Variants in SDK1 observed in about 807,000 individuals in gnomAD.
SDK1 encodes protein sidekick-1.
A neutral mutation model predicts 245.5 loss-of-function variants in SDK1; 157 were observed. The observed-to-expected ratio is 0.64, with a 90% CI of 0.56 to 0.73. The LOEUF (loss-of-function observed/expected upper bound fraction) is 0.73. SDK1 is among the 30% of genes least tolerant of loss of function. The pLI is 0.00. For synonymous variants in SDK1, 1,647 were observed against 1,278.5 expected, an observed-to-expected ratio of 1.29 and a Z score of -6.15; for missense variants, 3,583 against 3,002.3, an observed-to-expected ratio of 1.19 and a Z score of -4.52.
intron 1 of SDK1, among the ~76,000 whole-genome samples, chr7:3,302,710 C>T (rs1328769408): frequency 6.6e-6 from 1 of 151,768 alleles, no homozygotes; most frequent in East Asian, 1.9e-4. Context: ...ACACCCCCCT[C>T]AACCCAGAAA....
At chr7:3,371,442 A>C (rs1404762068) in intron 1 of SDK1, among the ~76,000 whole-genome samples, 1 of 152,180 alleles carries the variant, frequency 6.6e-6, no homozygotes, top group Non-Finnish European at 1.5e-5. Context: ...AATTTAGGAT[A>C]AATCTGGTAT....
chr7:4,198,525 G>T (rs978116664), intron 35 of SDK1, among the ~76,000 whole-genome samples: 1 of 152,186 alleles, frequency 6.6e-6, no homozygotes, highest in African/African-American at 2.4e-5. Context: ...CCCATTACCT[G>T]TTCTTGTAAA....
chr7:3,432,487 G>A (rs554748868), intron 1 of SDK1, among the ~76,000 whole-genome samples: 170 of 152,256 alleles, frequency 1.1e-3, no homozygotes, highest in Admixed American at 2.0e-3. Context: ...AAGCTCAAAG[G>A]ATTAATGTAG....
At chr7:3,393,065 G>C (rs575061736) in intron 1 of SDK1, among the ~76,000 whole-genome samples, 3 of 141,776 alleles carry the variant, frequency 2.1e-5, no homozygotes, top group African/African-American at 7.9e-5. Context: ...CCGCCTCCTA[G>C]GTTCAAGCGA....
At chr7:4,067,652 T>C (rs77249020) in intron 19 of SDK1, among the ~76,000 whole-genome samples, 186 bp from the exon 20 acceptor site, 2,255 of 152,236 alleles carry the variant, frequency 0.015, 53 homozygotes, top group African/African-American at 0.045. Context: ...GAGAAAATAA[T>C]GTGTGTGATG....
intron 25 of SDK1, among the ~76,000 whole-genome samples, chr7:4,116,321 C>T (rs1199031349): frequency 1.3e-5 from 2 of 152,172 alleles, no homozygotes; most frequent in African/African-American, 2.4e-5. Flanking sequence ...CACCCCTCCA[C>T]CCTCGAGACA....
intron 13 of SDK1, among the ~76,000 whole-genome samples, chr7:3,982,173 TG>T (rs1316514495): frequency 6.6e-6 from 1 of 152,216 alleles, no homozygotes; most frequent in African/African-American, 2.4e-5. Flanking sequence ...GCTCTGTAAA[TG>T]GAACAGCAAA....
chr7:3,550,810 T>G lies in SDK1; in HGVS notation c.299-68270T>G, dbSNP rs181470092. Among the ~76,000 whole-genome samples the G allele has an allele frequency of 2.4e-3, 372 of 152,350 alleles. 3 individuals are homozygous for G. The highest frequency in any genetic ancestry group is 0.018 in the South Asian group (87 of 4,828). On this transcript the variant is annotated intron_variant, in intron 1 of 44. Transcript: ENST00000404826. ...AACTCTTGCCATATTTCCTTCTATT[T>G]TCATGTTTTGATATTTCTAGAAAAT...
chr7:3,473,884 C>T (rs951960018), intron 1 of SDK1, among the ~76,000 whole-genome samples: 1 of 151,876 alleles, frequency 6.6e-6, no homozygotes, highest in Non-Finnish European at 1.5e-5. Context: ...GCGTATGTTC[C>T]TAGCTACCAC....
chr7:3,608,144 C>G (rs960833076), intron 1 of SDK1, among the ~76,000 whole-genome samples: 1 of 152,176 alleles, frequency 6.6e-6, no homozygotes, highest in African/African-American at 2.4e-5. Context: ...GAGTAAAAAC[C>G]AAAATCTAGC....
intron 1 of SDK1, among the ~76,000 whole-genome samples, chr7:3,470,651 A>G (rs1276666828): frequency 6.6e-6 from 1 of 152,150 alleles, no homozygotes; most frequent in East Asian, 1.9e-4. Flanking sequence ...AAATCTTACA[A>G]AGAGTTATAG....
intron 1 of SDK1, among the ~76,000 whole-genome samples, chr7:3,405,611 A>T (rs1206390305): frequency 6.6e-6 from 1 of 152,094 alleles, no homozygotes; most frequent in Non-Finnish European, 1.5e-5. Flanking sequence ...TAACATGTAG[A>T]TCTAGAAGGA....
chr7:3,723,161 C>G (rs564213168), intron 4 of SDK1, among the ~76,000 whole-genome samples: 1 of 152,276 alleles, frequency 6.6e-6, no homozygotes, highest in South Asian at 2.1e-4. Flanking sequence ...AAATAAAAGG[C>G]TTCTGTACTC....
chr7:3,518,417 A>T (rs547874068), intron 1 of SDK1, among the ~76,000 whole-genome samples: 1 of 152,096 alleles, frequency 6.6e-6, no homozygotes, highest in Non-Finnish European at 1.5e-5. Flanking sequence ...ATGGGAGAAC[A>T]TATTTGCAAA....
At chr7:3,399,356 A>G (rs977674981) in intron 1 of SDK1, among the ~76,000 whole-genome samples, 2 of 152,108 alleles carry the variant, frequency 1.3e-5, no homozygotes, top group East Asian at 1.9e-4. Context: ...TGAGAGTTAA[A>G]GAATTAAAGG....
At chr7:4,121,752 A>G (rs1278212888) in intron 25 of SDK1, among the ~76,000 whole-genome samples, 9 of 152,204 alleles carry the variant, frequency 5.9e-5, no homozygotes, top group Admixed American at 5.9e-4. Context: ...ATTTTGATCA[A>G]GAGTAGGAAT....
At chr7:4,235,101 G>A (rs1786070184) in intron 41 of SDK1, among the ~76,000 whole-genome samples, 1 of 152,164 alleles carries the variant, frequency 6.6e-6, no homozygotes, top group Admixed American at 6.5e-5. Context: ...CCTGGCCTGG[G>A]AACATCCTTG....
intron 43 of SDK1, among the ~76,000 whole-genome samples, chr7:4,245,325 C>G (rs1018929899): frequency 3.9e-5 from 6 of 152,170 alleles, no homozygotes; most frequent in Non-Finnish European, 8.8e-5. Flanking sequence ...CACTGCACTC[C>G]CCTGCCTGCA....
At chr7:3,449,481 G>C (rs1284831166) in intron 1 of SDK1, among the ~76,000 whole-genome samples, 3 of 152,302 alleles carry the variant, frequency 2.0e-5, no homozygotes, top group South Asian at 2.1e-4. Context: ...TTGAAGAATT[G>C]TATCAGTTAC....
Sources: gnomAD v4.1 joint callset for allele counts (sites outside exome capture counted in the v4.1 genomes callset) on GRCh38, gnomAD v4.1.1 for gene constraint, MANE v1.5 for transcripts, NCBI Gene and HGNC (gene_info 2026-07-23, HGNC 2026-07-21) for gene names.